Variants in MECOM observed in about 807,000 individuals in gnomAD.
MECOM encodes histone-lysine N-methyltransferase MECOM.
MECOM carries 13 observed loss-of-function variants against 116.3 expected under a neutral mutation model. That is an observed-to-expected ratio of 0.11 (90% CI 0.07 to 0.18). MECOM has a LOEUF of 0.18. Ranked by LOEUF, MECOM falls within the 10% of genes least tolerant of loss-of-function variation. MECOM has a pLI of 1.00. For synonymous variants in MECOM, 528 were observed against 535.2 expected (o/e 0.99, Z 0.19); for missense variants, 1,299 against 1,509.0 (o/e 0.86, Z 2.31).
chr3:169,310,256 G>T (rs977557747), intron 2 of MECOM, among the ~76,000 whole-genome samples: 7 of 151,996 alleles, frequency 4.6e-5, no homozygotes, highest in Non-Finnish European at 8.8e-5. Context: ...ATAAACATGC[G>T]CTGAGCACCT....
intron 2 of MECOM, among the ~76,000 whole-genome samples, chr3:169,290,681 G>C (rs1201339669): frequency 6.6e-6 from 1 of 152,128 alleles, no homozygotes; most frequent in Non-Finnish European, 1.5e-5. Context: ...GATGCTGATG[G>C]TGTACATTTT....
intron 2 of MECOM, among the ~76,000 whole-genome samples, chr3:169,191,756 AAGAAAGAAAGAAAG>A: frequency 7.4e-6 from 1 of 134,828 alleles, no homozygotes; most frequent in Non-Finnish European, 1.6e-5. Flanking sequence ...GAAAGAAAGA[AAGAAAGAAAGAAAG>A]AAAGAAAGAA....
chr3:169,594,162 A>AAAAAAAAAC (rs1766806229), intron 1 of MECOM, among the ~76,000 whole-genome samples: 1 of 142,734 alleles, frequency 7.0e-6, no homozygotes, highest in Non-Finnish European at 1.5e-5. Context: ...CACAAAAAAA[A>AAAAAAAAAC]AAAAAAAAAA....
chr3:169,117,777 A>C (rs1461596798), intron 7 of MECOM, among the ~76,000 whole-genome samples: 1 of 152,204 alleles, frequency 6.6e-6, no homozygotes, highest in Non-Finnish European at 1.5e-5. Flanking sequence ...ATATTTTAAG[A>C]CCAAACTTTG....
intron 2 of MECOM, among the ~76,000 whole-genome samples, chr3:169,355,368 A>G (rs1201528787): frequency 1.3e-5 from 2 of 151,950 alleles, no homozygotes; most frequent in Non-Finnish European, 2.9e-5. Flanking sequence ...AGTGTGGCTC[A>G]TGTTTTCCTT....
chr3:169,158,883 C>A (rs1298589582), intron 2 of MECOM, among the ~76,000 whole-genome samples: 1 of 152,114 alleles, frequency 6.6e-6, no homozygotes, highest in Non-Finnish European at 1.5e-5. Flanking sequence ...TATTCTCGCC[C>A]CCAAAATTTT....
intron 16 of MECOM, chr3:169,086,665 C>G (rs1017479363): frequency 5.9e-6 from 4 of 673,312 alleles, no homozygotes; most frequent in South Asian, 1.7e-5. Context: ...GTGTGCCTGA[C>G]TGAGGTAATA....
intron 1 of MECOM, among the ~76,000 whole-genome samples, chr3:169,388,281 C>T (rs1038005571): frequency 1.3e-5 from 2 of 152,268 alleles, no homozygotes; most frequent in South Asian, 4.1e-4. Context: ...TAGGACAATT[C>T]CAGAGCAGTT....
At chr3:169,250,478 G>C (rs1449207505) in intron 2 of MECOM, among the ~76,000 whole-genome samples, 3 of 152,024 alleles carry the variant, frequency 2.0e-5, no homozygotes. Flanking sequence ...TGACCAACCA[G>C]CTTTTCTCTT....
intron 2 of MECOM, chr3:169,147,489 G>T (rs1740267888): frequency 2.0e-6 from 2 of 985,476 alleles, no homozygotes. Context: ...AGCCAGACGG[G>T]CTCCTCTTTT....
At chr3:169,339,849 C>A (rs548285542) in intron 2 of MECOM, among the ~76,000 whole-genome samples, 1 of 152,184 alleles carries the variant, frequency 6.6e-6, no homozygotes, top group African/African-American at 2.4e-5. Flanking sequence ...CATGTGATTT[C>A]TCTAATTAAA....
intron 2 of MECOM, among the ~76,000 whole-genome samples, chr3:169,374,682 T>A (rs959772558): frequency 1.3e-5 from 2 of 151,986 alleles, no homozygotes; most frequent in Non-Finnish European, 2.9e-5. Context: ...TCATCTTTAA[T>A]AAGTGGATCC....
At chr3:169,656,897 A>G (rs753961819) in intron 1 of MECOM, among the ~76,000 whole-genome samples, 4 of 152,256 alleles carry the variant, frequency 2.6e-5, no homozygotes, top group Non-Finnish European at 4.4e-5. Context: ...CTATGTTTCT[A>G]TATAGATAAA....
intron 2 of MECOM, among the ~76,000 whole-genome samples, chr3:169,286,441 T>G (rs1309889301): frequency 1.3e-5 from 2 of 152,194 alleles, no homozygotes; most frequent in Non-Finnish European, 2.9e-5. Flanking sequence ...ATAGAATACC[T>G]TCCCTTCTTG....
chr3:169,258,007 G>C (rs533489493), intron 2 of MECOM, among the ~76,000 whole-genome samples: 1 of 152,262 alleles, frequency 6.6e-6, no homozygotes, highest in East Asian at 1.9e-4. Context: ...GATAACTTTA[G>C]GTCAAGGGTT....
chr3:169,617,187 T>A lies in MECOM; in HGVS notation c.37+46149A>T, dbSNP rs532712858. 5.9e-5 allele frequency among the ~76,000 whole-genome samples: 9 copies of A among 152,294 alleles called. No individual in the cohort carries two copies. In the East Asian group the frequency reaches 1.3e-3, roughly 23 times the overall value. On this transcript the variant is annotated intron_variant, in intron 1 of 16. Transcript: ENST00000651503. ...AGTCTAGACTTCTTCAATTAAAAGATAAAGAAAATTAAAAGACCCCTAACA... is the reference window on the plus strand; with the variant it reads ...AGTCTAGACTTCTTCAATTAAAAGAAAAAGAAAATTAAAAGACCCCTAACA...
At chr3:169,514,236 C>T (rs183878082) in intron 1 of MECOM, among the ~76,000 whole-genome samples, 1 of 151,838 alleles carries the variant, frequency 6.6e-6, no homozygotes, top group African/African-American at 2.4e-5. Flanking sequence ...TGCAAGAGAT[C>T]TTTTCTAAGT....
rs1355507530 is a variant in MECOM at position 169,525,350 on chromosome 3, A to C, written c.37+137986T>G. Among the ~76,000 whole-genome samples, 5 of 152,322 alleles carry C rather than the reference A, an allele frequency of 3.3e-5. No homozygotes were observed. In the East Asian group the frequency reaches 9.6e-4, roughly 29 times the overall value. ...GAATCAATTCAAGGAGACAAGCAAA[A>C]TTTATATACTTTATTGATTTTAAAT... On this transcript the variant is annotated intron_variant, in intron 1 of 16. Coordinates refer to ENST00000651503, the MANE Select transcript of MECOM (RefSeq NM_004991.4).
intron 1 of MECOM, among the ~76,000 whole-genome samples, chr3:169,410,497 G>A (rs563740779): frequency 6.6e-6 from 1 of 152,272 alleles, no homozygotes; most frequent in South Asian, 2.1e-4. Context: ...CAATAAGAGA[G>A]GCCTATGACA....
Sources: gnomAD v4.1 joint callset for allele counts (sites outside exome capture counted in the v4.1 genomes callset) on GRCh38, gnomAD v4.1.1 for gene constraint, MANE v1.5 for transcripts, NCBI Gene and HGNC (gene_info 2026-07-23, HGNC 2026-07-21) for gene names.